TMPRSS11E: variants seen among roughly 807,000 people sequenced by gnomAD.
TMPRSS11E encodes transmembrane serine protease 11E, also known as transmembrane protease serine 11E.
TMPRSS11E carries 38 observed loss-of-function variants against 48.1 expected under a neutral mutation model. The ratio of observed to expected loss-of-function variants is 0.79; its 90% confidence interval spans 0.61 to 1.04. TMPRSS11E has a LOEUF of 1.04. TMPRSS11E is among the 50% of genes least tolerant of loss of function. The pLI is 0.00. For synonymous variants in TMPRSS11E, 158 were observed against 171.9 expected, an observed-to-expected ratio of 0.92 and a Z score of 0.63; for missense variants, 530 against 510.8, an observed-to-expected ratio of 1.04 and a Z score of -0.36.
chr4:68,453,025 G>A (rs1728541093), intron 1 of TMPRSS11E, among the ~76,000 whole-genome samples: 1 of 151,902 alleles, frequency 6.6e-6, no homozygotes, highest in African/African-American at 2.4e-5. Flanking sequence ...CTTGATGTTT[G>A]GAGCAGAATT....
At chr4:68,486,656 T>G (rs1729563056) in intron 9 of TMPRSS11E, among the ~76,000 whole-genome samples, 1 of 152,208 alleles carries the variant, frequency 6.6e-6, no homozygotes, top group Non-Finnish European at 1.5e-5. Context: ...TAGGTTCATT[T>G]GGTCAAGTGT....
At chr4:68,454,793 C>A (rs932674509) in intron 1 of TMPRSS11E, among the ~76,000 whole-genome samples, 3 of 151,804 alleles carry the variant, frequency 2.0e-5, no homozygotes, top group African/African-American at 7.3e-5. Flanking sequence ...CACATTCAGG[C>A]ACATTTTAAT....
chr4:68,478,863 C>G lies in TMPRSS11E; in HGVS notation c.982C>G (p.His328Asp). 6.2e-7 allele frequency: 1 copy of G among 1,613,584 alleles called. No homozygotes were observed. The highest frequency in any genetic ancestry group is 8.5e-7 in the Non-Finnish European group (1 of 1,179,850). Reference sequence around the variant, plus strand: ...TTTTCTTTTAGGTTACAGTCAAAATCATCTTCGACAAGCACAGGTGACTCT... The same window carrying G: ...TTTTCTTTTAGGTTACAGTCAAAATGATCTTCGACAAGCACAGGTGACTCT... ...ALKNDGYSQN[H>D]LRQAQVTLID... The change falls in exon 9 of 10, where the codon CAT becomes GAT. Residue 328 changes from histidine to aspartate, a missense_variant. Physicochemically the swap from His to Asp is moderately conservative, Grantham distance 81. Transcript: ENST00000305363.
In TMPRSS11E at chr4:68,496,683, A is replaced by G. The variant is rs772395002; in HGVS notation, c.1151A>G (p.Asp384Gly). ...GGPLVSSDARDIWYLAGIVSW... is the reference protein window; with the variant it reads ...GGPLVSSDARGIWYLAGIVSW... The stretch of plus-strand genomic sequence containing the variant: ...CCACTGGTTAGTTCAGATGCTAGAG[A>G]TATCTGGTACCTTGCTGGAATAGTG... Residue 384 changes from aspartate (D) to glycine (G), a missense_variant, in exon 10 of 10, where the codon GAT (aspartate) becomes GGT (glycine). Coordinates refer to ENST00000305363, the MANE Select transcript of TMPRSS11E (RefSeq NM_014058.4). 7.4e-6 allele frequency: 12 copies of G among 1,613,484 alleles called. No individual in the cohort carries two copies. The African/African-American group carries it at 9.4e-5, about 13-fold the overall frequency.
At chr4:68,469,681 T>G (rs1404174900) in intron 4 of TMPRSS11E, among the ~76,000 whole-genome samples, 2 of 151,930 alleles carry the variant, frequency 1.3e-5, no homozygotes, top group Non-Finnish European at 2.9e-5. Context: ...ATCTTTAAGT[T>G]TCACTTTCTC....
chr4:68,482,759 A>G (rs897968739), intron 9 of TMPRSS11E, among the ~76,000 whole-genome samples: 3 of 151,976 alleles, frequency 2.0e-5, no homozygotes, highest in African/African-American at 7.3e-5. Context: ...GTGACACAGA[A>G]AGACTTCATC....
chr4:68,495,176 A>AT (rs1259610937), intron 9 of TMPRSS11E, among the ~76,000 whole-genome samples: 2 of 151,920 alleles, frequency 1.3e-5, no homozygotes, highest in Admixed American at 6.6e-5. Context: ...TAGACTCTAT[A>AT]TTTTTTTCTA....
At chr4:68,488,705 AT>A (rs1402022993) in intron 9 of TMPRSS11E, among the ~76,000 whole-genome samples, 1 of 149,774 alleles carries the variant, frequency 6.7e-6, no homozygotes, top group South Asian at 2.2e-4. Flanking sequence ...TGCCCGGCTA[AT>A]TTTTTTGTAT....
rs576202255 is a variant in TMPRSS11E, at chr4:68,493,772, G to A, written c.1111-2871G>A. On this transcript the variant is annotated intron_variant, in intron 9 of 9. Transcript: ENST00000305363. ...CAAGGTGCTGGGATTACAGGTGTAA[G>A]CCATCTTGCCCAGCCTCCATTTAAA... Among the ~76,000 whole-genome samples, 26 of 152,232 alleles carry A rather than the reference G, an allele frequency of 1.7e-4. No individual in the cohort carries two copies. In the South Asian group the frequency reaches 3.9e-3, roughly 23 times the overall value.
At chr4:68,491,819 GA>G (rs1321545235) in intron 9 of TMPRSS11E, among the ~76,000 whole-genome samples, 2 of 152,004 alleles carry the variant, frequency 1.3e-5, no homozygotes, top group Non-Finnish European at 2.9e-5. Context: ...TAATTTCTAA[GA>G]TTTTTTTTTA....
At position 68,478,864 on chromosome 4, in the gene TMPRSS11E, A is replaced by G. The variant is rs1221309514; in HGVS notation, c.983A>G (p.His328Arg). Residue 328 changes from histidine (H) to arginine (R), a missense_variant, in exon 9 of 10, where the codon CAT becomes CGT. Transcript: ENST00000305363. ...ALKNDGYSQN[H>R]LRQAQVTLID... Reference sequence around the variant, plus strand: ...TTTCTTTTAGGTTACAGTCAAAATCATCTTCGACAAGCACAGGTGACTCTC... The same window carrying G: ...TTTCTTTTAGGTTACAGTCAAAATCGTCTTCGACAAGCACAGGTGACTCTC... 1.2e-6 allele frequency: 2 copies of G among 1,613,770 alleles called. No homozygotes were observed. The highest frequency in any genetic ancestry group is 1.7e-6 in the Non-Finnish European group (2 of 1,179,920).
chr4:68,481,702 C>A (rs985206249), intron 9 of TMPRSS11E, among the ~76,000 whole-genome samples: 1 of 152,142 alleles, frequency 6.6e-6, no homozygotes, highest in African/African-American at 2.4e-5. Context: ...GTAATCTCAG[C>A]ACTTTGGGAG....
At chr4:68,488,067 T>C (rs1369183479) in intron 9 of TMPRSS11E, among the ~76,000 whole-genome samples, 1 of 152,016 alleles carries the variant, frequency 6.6e-6, no homozygotes, top group African/African-American at 2.4e-5. Flanking sequence ...ATGTGACCTG[T>C]CCCTTTGCTC....
intron 9 of TMPRSS11E, among the ~76,000 whole-genome samples, chr4:68,492,010 C>T (rs1451194701): frequency 6.6e-6 from 1 of 152,070 alleles, no homozygotes; most frequent in Admixed American, 6.6e-5. Flanking sequence ...TTCAGTTGAC[C>T]TTTGTTTATA....
At chr4:68,484,792 T>C (rs1183843136) in intron 9 of TMPRSS11E, among the ~76,000 whole-genome samples, 1 of 152,240 alleles carries the variant, frequency 6.6e-6, no homozygotes, top group Non-Finnish European at 1.5e-5. Flanking sequence ...TTTAGTACAT[T>C]GATTTTGTAT....
chr4:68,470,881 A>T (rs190780316), intron 4 of TMPRSS11E, among the ~76,000 whole-genome samples: 6 of 152,090 alleles, frequency 3.9e-5, no homozygotes, highest in Middle Eastern at 3.4e-3. Flanking sequence ...TGTTTAGGAT[A>T]GCCTGAAGAT....
intron 4 of TMPRSS11E, among the ~76,000 whole-genome samples, chr4:68,470,215 A>G (rs780628438): frequency 4.6e-5 from 7 of 151,886 alleles, no homozygotes; most frequent in Non-Finnish European, 7.4e-5. Flanking sequence ...GAAAAAGAAT[A>G]ATAAAAGGGA....
chr4:68,480,703 A>G (rs1225036091), intron 9 of TMPRSS11E, among the ~76,000 whole-genome samples: 1 of 152,044 alleles, frequency 6.6e-6, no homozygotes, highest in Non-Finnish European at 1.5e-5. Flanking sequence ...TGATATTCAG[A>G]TATATGCTGA....
intron 6 of TMPRSS11E, among the ~76,000 whole-genome samples, chr4:68,475,282 C>T (rs1430563342): frequency 1.3e-5 from 2 of 152,072 alleles, no homozygotes; most frequent in Non-Finnish European, 1.5e-5. Context: ...ATAATATCTT[C>T]ACCTATATTA....
Sources: gnomAD v4.1 joint callset for allele counts (sites outside exome capture counted in the v4.1 genomes callset) on GRCh38, gnomAD v4.1.1 for gene constraint, MANE v1.5 for transcripts, NCBI Gene and HGNC (gene_info 2026-07-23, HGNC 2026-07-21) for gene names.